PRDM11: variants seen among roughly 807,000 people sequenced by gnomAD.
PRDM11 encodes PR domain-containing protein 11.
In PRDM11, 20 loss-of-function variants were observed where a neutral mutation model predicts 97.8. The observed-to-expected ratio is 0.20, with a 90% CI of 0.14 to 0.30. The LOEUF (loss-of-function observed/expected upper bound fraction) is 0.30. Among genes scored for constraint, PRDM11 ranks in the 10% least tolerant of loss-of-function variants. The probability of loss-of-function intolerance (pLI) is 1.00; values close to 1 mark genes in which losing one functional copy is unlikely to be tolerated. For missense variants in PRDM11, 1,139 were observed against 1,555.2 expected (o/e 0.73, Z 4.50); for synonymous variants, 599 against 637.7 (o/e 0.94, Z 0.91).
chr11:45,163,597 G>C (rs571204750), intron 1 of PRDM11, among the ~76,000 whole-genome samples: 76 of 152,346 alleles, frequency 5.0e-4, no homozygotes, highest in Non-Finnish European at 8.4e-4. Context: ...AAATAGCTCT[G>C]ACAGCAGGAT....
At chr11:45,213,438 G>A (rs1402390856) in intron 5 of PRDM11, 2 of 449,194 alleles carry the variant, frequency 4.5e-6, no homozygotes, top group African/African-American at 4.0e-5. Context: ...CCCAGGCCCT[G>A]ATGCTGCTTC....
chr11:45,157,146 C>T (rs1207778448), intron 1 of PRDM11, among the ~76,000 whole-genome samples: 2 of 152,082 alleles, frequency 1.3e-5, no homozygotes, highest in African/African-American at 4.8e-5. Context: ...CTTGAGGTGG[C>T]CATGGCTGAG....
At chr11:45,179,459 C>G (rs952847018) in intron 1 of PRDM11, among the ~76,000 whole-genome samples, 1 of 152,194 alleles carries the variant, frequency 6.6e-6, no homozygotes, top group African/African-American at 2.4e-5. Context: ...CTGTATTAGT[C>G]ATCTCAGGCT....
chr11:45,146,873 G>A lies in PRDM11; in HGVS notation c.-11G>A, dbSNP rs1485468420. 2 of 146,022 alleles carry A rather than the reference G, an allele frequency of 1.4e-5. No homozygotes were observed. The highest frequency in any genetic ancestry group is 1.4e-4 in the Admixed American group (2 of 14,698). The allele number at this position is 146,022 out of a possible 1,614,324, so 9.0% of individuals were successfully genotyped here. A position where few individuals can be genotyped will look rare whatever the true frequency, so the allele number is the denominator to read the frequency against. ...CCCCGCGGCTGCCGCAGCATTCCCG[G>A]GAAGGTGAGTCAGCCCCGGTAGCCA... is the stretch of plus-strand genomic sequence containing the variant. On this transcript the variant is annotated 5_prime_UTR_variant, in exon 1 of 8. Coordinates refer to ENST00000683152, the MANE Select transcript of PRDM11 (RefSeq NM_001384648.1).
chr11:45,158,169 C>G (rs562978694), intron 1 of PRDM11, among the ~76,000 whole-genome samples: 26 of 152,348 alleles, frequency 1.7e-4, no homozygotes, highest in African/African-American at 6.3e-4. Context: ...GTCTTCAACT[C>G]TGTCACAGCC....
intron 1 of PRDM11, 32 bp from the exon 2 acceptor site, chr11:45,181,729 T>G: frequency 6.3e-7 from 1 of 1,582,780 alleles, no homozygotes; most frequent in Non-Finnish European, 8.7e-7. Flanking sequence ...TTTGATCCTC[T>G]TCCTGTGCTG....
chr11:45,113,429 A>T (rs1176905698), intron 1 of PRDM11, among the ~76,000 whole-genome samples: 1 of 152,120 alleles, frequency 6.6e-6, no homozygotes, highest in Non-Finnish European at 1.5e-5. Context: ...TGCTTTGGTT[A>T]TACAGGATTT....
chr11:45,152,692 C>T (rs1851688997), intron 1 of PRDM11, among the ~76,000 whole-genome samples: 1 of 152,210 alleles, frequency 6.6e-6, no homozygotes, highest in Non-Finnish European at 1.5e-5. Context: ...ATGCCCTGAT[C>T]ATGGTATTGT....
chr11:45,170,374 G>A (rs1372004488), intron 1 of PRDM11, among the ~76,000 whole-genome samples: 1 of 152,070 alleles, frequency 6.6e-6, no homozygotes, highest in Non-Finnish European at 1.5e-5. Flanking sequence ...AGCAAAGAAG[G>A]AGTGGTAGCA....
chr11:45,150,864 C>T (rs1209735779), intron 1 of PRDM11, among the ~76,000 whole-genome samples: 1 of 152,214 alleles, frequency 6.6e-6, no homozygotes, highest in African/African-American at 2.4e-5. Context: ...AAGCATGTCA[C>T]ATACCCTGCA....
intron 4 of PRDM11, among the ~76,000 whole-genome samples, chr11:45,186,370 C>T (rs1852706378): frequency 6.6e-6 from 1 of 152,128 alleles, no homozygotes; most frequent in Admixed American, 6.5e-5. Context: ...CCAGAGCACT[C>T]TGGTGTGTGT....
intron 1 of PRDM11, among the ~76,000 whole-genome samples, chr11:45,112,727 T>C (rs919502782): frequency 2.6e-5 from 4 of 152,202 alleles, no homozygotes; most frequent in African/African-American, 9.7e-5. Flanking sequence ...GTTGGCTCTT[T>C]GTATATATTC....
At chr11:45,101,297 C>T (rs7482402) in intron 1 of PRDM11, among the ~76,000 whole-genome samples, 5,722 of 152,210 alleles carry the variant, frequency 0.038, 364 homozygotes, top group African/African-American at 0.13. Context: ...TGGGCTCACG[C>T]CTGTAATCCC....
rs1052430607 is a variant in PRDM11 at position 45,219,024 on chromosome 11, C to T, written c.555-546C>T. 5.9e-5 allele frequency among the ~76,000 whole-genome samples: 9 copies of T among 152,162 alleles called. No individual in the cohort carries two copies. Among genetic ancestry groups the T allele is most frequent in the Non-Finnish European group, 1.2e-4 (8 of 68,028 alleles). On this transcript the variant is annotated intron_variant, in intron 5 of 7. Coordinates refer to ENST00000683152, the MANE Select transcript of PRDM11 (RefSeq NM_001384648.1). This position sits in a 1 kb window ranked among gnomAD's most constrained non-coding sequence, Gnocchi z 4.2. ...TGTAGTCTGTTATTTACCTTCCTCC[C>T]CTGTCCCCACTGGAGCCCCCATTTT...
intron 1 of PRDM11, among the ~76,000 whole-genome samples, chr11:45,170,026 T>G (rs1416411336): frequency 1.3e-5 from 2 of 152,190 alleles, no homozygotes; most frequent in Non-Finnish European, 2.9e-5. Flanking sequence ...TTAAGTTTGA[T>G]GGTGACACAC....
chr11:45,212,692 C>T (rs1424872081), intron 5 of PRDM11: 1 of 456,530 alleles, frequency 2.2e-6, no homozygotes, highest in Non-Finnish European at 4.4e-6. Context: ...CCAGCCCACC[C>T]ACCACGGGCC....
rs552516984 is a variant in PRDM11, at chr11:45,234,637, C to T, written c.*6478C>T. On this transcript the variant is annotated 3_prime_UTR_variant, in exon 8 of 8. Coordinates refer to ENST00000683152, the MANE Select transcript of PRDM11 (RefSeq NM_001384648.1). ...ACTGTACCTCAGAGAGAGAGCACGC[C>T]AGGGGCACCAAGGGACCGAGCCCTC... 3 of 152,362 alleles carry T rather than the reference C, an allele frequency of 2.0e-5. No homozygotes were observed. The highest frequency in any genetic ancestry group is 2.0e-4 in the Admixed American group (3 of 15,300). 9.4% of individuals were successfully genotyped at this position (152,362 alleles called of 1,614,324 possible).
chr11:45,105,747 C>G (rs1852050450), intron 1 of PRDM11, among the ~76,000 whole-genome samples: 1 of 152,248 alleles, frequency 6.6e-6, no homozygotes, highest in South Asian at 2.1e-4. Context: ...CCACCTCCCT[C>G]TCCCTGGGGG....
At chr11:45,149,021 C>G (rs1851595233) in intron 1 of PRDM11, among the ~76,000 whole-genome samples, 1 of 152,166 alleles carries the variant, frequency 6.6e-6, no homozygotes, top group African/African-American at 2.4e-5. Context: ...GTCTCTGTCT[C>G]TGTCACCCCA....
Sources: allele counts gnomAD v4.1 joint callset (sites outside exome capture counted in the v4.1 genomes callset), GRCh38; gene constraint gnomAD v4.1.1; non-coding constraint Gnocchi (gnomAD v3.1); transcripts MANE v1.5; gene names NCBI Gene and HGNC (gene_info 2026-07-23, HGNC 2026-07-21).